Variants in LDLRAD4 observed in about 807,000 individuals in gnomAD.
The protein encoded by LDLRAD4 is low density lipoprotein receptor class A domain containing 4, also known as low-density lipoprotein receptor class A domain-containing protein 4.
Under a neutral mutation model 17.0 loss-of-function variants are expected in LDLRAD4, and 5 were observed. The ratio of observed to expected loss-of-function variants is 0.29; its 90% CI spans 0.15 to 0.62. The LOEUF (loss-of-function observed/expected upper bound fraction) is 0.62. Among genes scored for constraint, LDLRAD4 ranks in the 20% least tolerant of loss-of-function variants. LDLRAD4 has a pLI of 0.84. For missense variants in LDLRAD4, 340 were observed against 424.7 expected (o/e 0.80, Z 1.75); for synonymous variants, 168 against 171.8 (o/e 0.98, Z 0.17).
chr18:13,381,275 C>A (rs2085342415), intron 1 of LDLRAD4, among the ~76,000 whole-genome samples: 1 of 151,978 alleles, frequency 6.6e-6, no homozygotes, highest in African/African-American at 2.4e-5. Flanking sequence ...TCTATGTTGG[C>A]TAGGTGGGTT....
intron 1 of LDLRAD4, among the ~76,000 whole-genome samples, chr18:13,251,702 G>A (rs1172372766): frequency 1.3e-5 from 2 of 152,186 alleles, no homozygotes; most frequent in African/African-American, 2.4e-5. Flanking sequence ...ACAAAGCATC[G>A]ATGAAAAGAA....
At chr18:13,448,781 C>G (rs1360999777) in intron 3 of LDLRAD4, among the ~76,000 whole-genome samples, 1 of 152,050 alleles carries the variant, frequency 6.6e-6, no homozygotes, top group Non-Finnish European at 1.5e-5. Context: ...CAAAAGGGTA[C>G]TACGGTGAAA....
At chr18:13,371,480 C>T (rs1382535699) in intron 1 of LDLRAD4, among the ~76,000 whole-genome samples, 1 of 152,152 alleles carries the variant, frequency 6.6e-6, no homozygotes, top group Non-Finnish European at 1.5e-5. Flanking sequence ...CATCAGAACC[C>T]ACAGTTGGCC....
intron 4 of LDLRAD4, among the ~76,000 whole-genome samples, chr18:13,631,457 A>G (rs1601821240): frequency 6.6e-6 from 1 of 152,296 alleles, no homozygotes; most frequent in East Asian, 1.9e-4. Context: ...AAACTTCTAG[A>G]AATTTCAAGA....
chr18:13,536,233 A>G (rs1039718316), intron 3 of LDLRAD4, among the ~76,000 whole-genome samples: 2 of 152,170 alleles, frequency 1.3e-5, no homozygotes, highest in East Asian at 1.9e-4. Flanking sequence ...TTTAGGAAGA[A>G]TTTCCATCTT....
chr18:13,647,533 T>TG (rs2043061385), exon 6 of LDLRAD4: 1 of 151,086 alleles, frequency 6.6e-6, no homozygotes. Context: ...GTCGGTGCGG[T>TG]GGCTCTGTGC....
At chr18:13,417,316 A>C (rs12965248) in intron 2 of LDLRAD4, among the ~76,000 whole-genome samples, 10,610 of 152,296 alleles carry the variant, frequency 0.07, 525 homozygotes, top group Non-Finnish European at 0.1. Context: ...TCATACAAAA[A>C]TTCAATGCGA....
At chr18:13,460,438 T>C (rs1441686247) in intron 3 of LDLRAD4, among the ~76,000 whole-genome samples, 1 of 152,200 alleles carries the variant, frequency 6.6e-6, no homozygotes, top group Admixed American at 6.5e-5. Flanking sequence ...GCAGTCCTCC[T>C]GCCTCAGCCT....
At chr18:13,527,449 T>G (rs2094051001) in intron 3 of LDLRAD4, among the ~76,000 whole-genome samples, 1 of 152,238 alleles carries the variant, frequency 6.6e-6, no homozygotes, top group Admixed American at 6.5e-5. Context: ...CGAGGGAGCC[T>G]GTTGCACACA....
At chr18:13,581,723 T>C (rs1226110740) in intron 3 of LDLRAD4, among the ~76,000 whole-genome samples, 1 of 152,202 alleles carries the variant, frequency 6.6e-6, no homozygotes, top group East Asian at 1.9e-4. Context: ...CCTGTCTTGG[T>C]GGGCATGTAT....
rs1393338627 is a variant in LDLRAD4 at position 13,622,127 on chromosome 18, A to G, written c.336+856A>G. Among the ~76,000 whole-genome samples the G allele has an allele frequency of 6.6e-6, 1 of 152,106 alleles. No homozygotes were observed. Among genetic ancestry groups the G allele is most frequent in the African/African-American group, 2.4e-5 (1 of 41,392 alleles). On this transcript the variant is annotated intron_variant, in intron 4 of 5. Coordinates refer to ENST00000359446, the Ensembl canonical transcript of LDLRAD4. The surrounding 1 kb of genome is among the most constrained non-coding windows in gnomAD (Gnocchi z 5.3). ...CGGTCCTTACGGAGCATCCCTCTTCAGGAACAGGGCTGTGCAGTTCCGGCT... is the reference window on the plus strand; with the variant it reads ...CGGTCCTTACGGAGCATCCCTCTTCGGGAACAGGGCTGTGCAGTTCCGGCT...
intron 3 of LDLRAD4, among the ~76,000 whole-genome samples, chr18:13,495,112 T>C (rs138381641): frequency 2.0e-5 from 3 of 152,214 alleles, no homozygotes. Flanking sequence ...AATATACATA[T>C]ATGGGACTAT....
At chr18:13,363,355 A>G (rs2083830026) in intron 1 of LDLRAD4, among the ~76,000 whole-genome samples, 2 of 137,782 alleles carry the variant, frequency 1.5e-5, no homozygotes, top group Non-Finnish European at 3.1e-5. Flanking sequence ...AAAAAAAAAA[A>G]GAATGGAGAA....
intron 3 of LDLRAD4, among the ~76,000 whole-genome samples, chr18:13,604,927 G>C (rs1028610234): frequency 2.6e-5 from 4 of 152,148 alleles, no homozygotes; most frequent in Non-Finnish European, 5.9e-5. Context: ...TGTGGCAGGA[G>C]TAGGTGCTGC....
At chr18:13,538,545 GAGAC>G in intron 3 of LDLRAD4, among the ~76,000 whole-genome samples, 1 of 113,976 alleles carries the variant, frequency 8.8e-6, no homozygotes, top group South Asian at 2.8e-4. Flanking sequence ...TTTTTTTTTT[GAGAC>G]AAGGTCTCAG....
At chr18:13,527,588 A>C (rs915770694) in intron 3 of LDLRAD4, among the ~76,000 whole-genome samples, 9 of 151,986 alleles carry the variant, frequency 5.9e-5, no homozygotes, top group African/African-American at 9.7e-5. Context: ...CTGGCTTCTC[A>C]CCTTGTTCTG....
intron 1 of LDLRAD4, among the ~76,000 whole-genome samples, chr18:13,250,742 C>T (rs549100907): frequency 5.9e-5 from 9 of 152,306 alleles, no homozygotes; most frequent in African/African-American, 2.2e-4. Flanking sequence ...TAATAAAAGT[C>T]TGTCACAGCA....
At chr18:13,258,330 C>T (rs552785464) in intron 1 of LDLRAD4, among the ~76,000 whole-genome samples, 16 of 152,044 alleles carry the variant, frequency 1.1e-4, no homozygotes, top group Admixed American at 2.0e-4. Context: ...TTTGAAGCTC[C>T]TAGTTTGTCT....
chr18:13,406,442 G>A (rs2087758962), intron 2 of LDLRAD4, among the ~76,000 whole-genome samples: 2 of 152,166 alleles, frequency 1.3e-5, no homozygotes, highest in Admixed American at 1.3e-4. Context: ...TTCCAGAGAA[G>A]CTGGAACACC....
Sources: gnomAD v4.1 joint callset for allele counts (sites outside exome capture counted in the v4.1 genomes callset) on GRCh38, gnomAD v4.1.1 for gene constraint, Gnocchi (gnomAD v3.1) non-coding constraint, MANE v1.5 for transcripts, NCBI Gene and HGNC (gene_info 2026-07-23, HGNC 2026-07-21) for gene names.